Variants in FGGY observed in about 807,000 individuals in gnomAD.
The protein encoded by FGGY is FGGY carbohydrate kinase domain containing.
Under a neutral mutation model 71.3 loss-of-function variants are expected in FGGY, and 72 were observed. The ratio of observed to expected loss-of-function variants is 1.01; its 90% CI spans 0.84 to 1.23. The LOEUF is 1.23. FGGY is among the 50% of genes most tolerant of loss of function. FGGY has a pLI of 0.00. For synonymous variants in FGGY, 251 were observed against 250.3 expected (o/e 1.00, Z -0.02); for missense variants, 668 against 682.3 (o/e 0.98, Z 0.23).
chr1:59,438,114 C>T (rs2068892640), intron 5 of FGGY, among the ~76,000 whole-genome samples: 1 of 152,110 alleles, frequency 6.6e-6, no homozygotes, highest in Non-Finnish European at 1.5e-5. Flanking sequence ...GCCAGGAGGT[C>T]CTTTGACTAC....
chr1:59,438,337 A>G (rs1468541368), intron 5 of FGGY, among the ~76,000 whole-genome samples: 1 of 152,218 alleles, frequency 6.6e-6, no homozygotes, highest in Non-Finnish European at 1.5e-5. Context: ...TTGAGAGGTA[A>G]GTATCAGTTG....
At chr1:59,472,797 C>T (rs2093032531) in intron 6 of FGGY, among the ~76,000 whole-genome samples, 1 of 151,958 alleles carries the variant, frequency 6.6e-6, no homozygotes, top group Non-Finnish European at 1.5e-5. Context: ...GTGTCTAGCT[C>T]AGGGATTGTA....
chr1:59,620,973 T>A (rs1196943946), intron 9 of FGGY, among the ~76,000 whole-genome samples: 4 of 152,110 alleles, frequency 2.6e-5, no homozygotes, highest in Admixed American at 2.6e-4. Context: ...AACAGACATT[T>A]ATTTCCTTAC....
intron 14 of FGGY, among the ~76,000 whole-genome samples, chr1:59,730,879 C>T (rs574080184): frequency 1.3e-5 from 2 of 152,274 alleles, no homozygotes; most frequent in East Asian, 1.9e-4. Flanking sequence ...AAGTCCATGT[C>T]GGACAACATG....
chr1:59,561,208 A>G (rs897164787), intron 8 of FGGY, among the ~76,000 whole-genome samples: 26 of 152,182 alleles, frequency 1.7e-4, no homozygotes, highest in Admixed American at 3.3e-4. Flanking sequence ...TCCACACGGT[A>G]CAGTAGACCA....
At chr1:59,349,464 A>G (rs1221642768) in intron 4 of FGGY, among the ~76,000 whole-genome samples, 1 of 152,184 alleles carries the variant, frequency 6.6e-6, no homozygotes, top group Admixed American at 6.5e-5. Flanking sequence ...CCTATATCCC[A>G]GGAGATCTAA....
At chr1:59,457,744 G>A (rs1182610238) in intron 6 of FGGY, among the ~76,000 whole-genome samples, 2 of 152,118 alleles carry the variant, frequency 1.3e-5, no homozygotes, top group African/African-American at 4.8e-5. Flanking sequence ...TACAAATTAG[G>A]TTCACAGGAC....
intron 14 of FGGY, among the ~76,000 whole-genome samples, chr1:59,694,044 G>A (rs2097626722): frequency 6.6e-6 from 1 of 151,142 alleles, no homozygotes; most frequent in South Asian, 2.1e-4. Flanking sequence ...GCTCACGCCT[G>A]TAATCCCAGC....
chr1:59,388,355 C>T (rs2060317612), intron 5 of FGGY, among the ~76,000 whole-genome samples: 2 of 152,078 alleles, frequency 1.3e-5, no homozygotes, highest in Admixed American at 1.3e-4. Context: ...TAATCTATTC[C>T]AGTCTCTTAA....
intron 14 of FGGY, among the ~76,000 whole-genome samples, chr1:59,744,001 C>G (rs896977367): frequency 6.6e-6 from 1 of 152,208 alleles, no homozygotes. Context: ...TAGTATCACT[C>G]AAGAGAACAT....
intron 6 of FGGY, among the ~76,000 whole-genome samples, chr1:59,475,117 G>T (rs1231151213): frequency 6.6e-6 from 1 of 152,140 alleles, no homozygotes; most frequent in Admixed American, 6.5e-5. Context: ...GGTAATTATT[G>T]CCAACTTCTA....
chr1:59,633,373 G>T (rs184953619), intron 10 of FGGY, among the ~76,000 whole-genome samples: 1 of 152,266 alleles, frequency 6.6e-6, no homozygotes. Flanking sequence ...GGGCATTGGG[G>T]TCTTCTCTAG....
rs41287698 is a variant in FGGY, at chr1:59,310,441, A to G, written c.-14-11095A>G. Reference sequence around the variant, plus strand: ...CAAAAGGAGGAGTCTATGTAAGAACAAATCATTAAATTTGCATATCTTTTC... The same window carrying G: ...CAAAAGGAGGAGTCTATGTAAGAACGAATCATTAAATTTGCATATCTTTTC... On this transcript the variant is annotated intron_variant, in intron 1 of 15. Transcript: ENST00000303721. Among the ~76,000 whole-genome samples the G allele has an allele frequency of 7.7e-3, 1,178 of 152,340 alleles. 10 individuals carry two copies. Among genetic ancestry groups the G allele is most frequent in the South Asian group, 0.022 (105 of 4,832 alleles).
chr1:59,378,989 C>T (rs2059028411), intron 5 of FGGY, 152 bp downstream of exon 5: 2 of 623,278 alleles, frequency 3.2e-6, no homozygotes, highest in Non-Finnish European at 5.6e-6. Context: ...CTATCTTCGA[C>T]CTCCACTGCA....
intron 4 of FGGY, among the ~76,000 whole-genome samples, chr1:59,362,828 C>G (rs990742642): frequency 2.0e-5 from 3 of 152,200 alleles, no homozygotes; most frequent in African/African-American, 7.2e-5. Context: ...TTTGTTCCAC[C>G]TAGCCAGTAA....
intron 1 of FGGY, among the ~76,000 whole-genome samples, chr1:59,297,645 AC>A (rs559179390): frequency 6.6e-6 from 1 of 151,108 alleles, no homozygotes; most frequent in African/African-American, 2.4e-5. Flanking sequence ...ACACGGTGAA[AC>A]CCCCGTCTCT....
Position 59,302,451 on chromosome 1 carries a change from C to T in FGGY, c.-15+5301C>T, listed in dbSNP as rs2042900402. 2.0e-5 allele frequency among the ~76,000 whole-genome samples: 3 copies of T among 152,258 alleles called. No homozygotes were observed. The South Asian group carries it at 6.2e-4, about 32-fold the overall frequency. On this transcript the variant is annotated intron_variant, in intron 1 of 15. Coordinates refer to ENST00000303721, the MANE Select transcript of FGGY (RefSeq NM_018291.5). The stretch of plus-strand genomic sequence containing the variant: ...TAGATTGGATAAAGAAAATGTGGTA[C>T]ATATGCACCATGGAATACTATGCAG...
chr1:59,297,638 C>G (rs942543237), intron 1 of FGGY, among the ~76,000 whole-genome samples: 1 of 151,764 alleles, frequency 6.6e-6, no homozygotes, highest in South Asian at 2.1e-4. Context: ...CAGGCTAACA[C>G]GGTGAAACCC....
intron 7 of FGGY, among the ~76,000 whole-genome samples, chr1:59,519,479 TA>T (rs916861546): frequency 1.6e-4 from 24 of 152,314 alleles, no homozygotes; most frequent in Admixed American, 7.2e-4. Context: ...AAACAATTAT[TA>T]AAGGATTCCT....
Sources: gnomAD v4.1 joint callset for allele counts (sites outside exome capture counted in the v4.1 genomes callset) on GRCh38, gnomAD v4.1.1 for gene constraint, MANE v1.5 for transcripts, NCBI Gene and HGNC (gene_info 2026-07-23, HGNC 2026-07-21) for gene names.